Variants in LRRTM4 observed in about 807,000 individuals in gnomAD.
LRRTM4 encodes leucine rich repeat transmembrane neuronal 4.
A neutral mutation model predicts 47.6 loss-of-function variants in LRRTM4; 25 were observed. The ratio of observed to expected loss-of-function variants is 0.53; its 90% CI spans 0.38 to 0.73. The LOEUF is 0.73. Among genes scored for constraint, LRRTM4 ranks in the 30% least tolerant of loss-of-function variants. LRRTM4 has a pLI of 0.00. For missense variants in LRRTM4, 638 were observed against 713.4 expected (o/e 0.89, Z 1.20); for synonymous variants, 311 against 269.5 (o/e 1.15, Z -1.51).
intron 3 of LRRTM4, among the ~76,000 whole-genome samples, chr2:77,502,177 G>A (rs1302584153): frequency 1.3e-5 from 2 of 151,360 alleles, no homozygotes; most frequent in Non-Finnish European, 3.0e-5. Context: ...ATGTTCACAA[G>A]AGAGTAAGCA....
chr2:76,889,803 A>G (rs62170284), intron 3 of LRRTM4, among the ~76,000 whole-genome samples: 57,792 of 151,556 alleles, frequency 0.38, 11,657 homozygotes, highest in East Asian at 0.72. Flanking sequence ...AAAGAGGCAA[A>G]TAATAGAGTA....
chr2:77,487,197 G>A (rs1677951446), intron 3 of LRRTM4, among the ~76,000 whole-genome samples: 1 of 152,172 alleles, frequency 6.6e-6, no homozygotes, highest in African/African-American at 2.4e-5. Flanking sequence ...CTGAGTTGGT[G>A]GGGCAGAAGC....
intron 3 of LRRTM4, among the ~76,000 whole-genome samples, chr2:77,084,066 A>T (rs1680628795): frequency 6.6e-6 from 1 of 151,874 alleles, no homozygotes; most frequent in South Asian, 2.1e-4. Context: ...CGGCCTCCCA[A>T]AGTGCTGGGA....
intron 3 of LRRTM4, among the ~76,000 whole-genome samples, chr2:77,016,247 G>A (rs1211998940): frequency 1.2e-4 from 18 of 151,660 alleles, no homozygotes; most frequent in African/African-American, 2.7e-4. Flanking sequence ...TTAGCTGGGC[G>A]TGGTGGCAGG....
intron 3 of LRRTM4, among the ~76,000 whole-genome samples, chr2:77,101,839 G>A (rs1300723150): frequency 6.6e-6 from 1 of 152,144 alleles, no homozygotes; most frequent in Non-Finnish European, 1.5e-5. Context: ...TTTTCAGTTT[G>A]TTTAATCATG....
At chr2:76,988,364 C>G (rs1283485423) in intron 3 of LRRTM4, among the ~76,000 whole-genome samples, 1 of 151,784 alleles carries the variant, frequency 6.6e-6, no homozygotes, top group African/African-American at 2.4e-5. Context: ...TCCACTAAAA[C>G]CTAAATCGGG....
At chr2:77,415,339 C>T (rs1009619822) in intron 3 of LRRTM4, among the ~76,000 whole-genome samples, 2 of 152,068 alleles carry the variant, frequency 1.3e-5, no homozygotes, top group South Asian at 2.1e-4. Flanking sequence ...AGGCTCTACC[C>T]TATAATATAT....
intron 3 of LRRTM4, among the ~76,000 whole-genome samples, chr2:77,352,766 T>C (rs974636892): frequency 6.6e-6 from 1 of 152,110 alleles, no homozygotes; most frequent in Non-Finnish European, 1.5e-5. Flanking sequence ...TTTGTTGTTT[T>C]TCCTTAGTAC....
intron 3 of LRRTM4, among the ~76,000 whole-genome samples, chr2:77,510,233 G>A (rs1019660213): frequency 5.9e-5 from 9 of 152,054 alleles, no homozygotes; most frequent in African/African-American, 1.7e-4. Flanking sequence ...TATTTAATAT[G>A]AGTCAGTTAA....
intron 3 of LRRTM4, among the ~76,000 whole-genome samples, chr2:76,964,396 A>G (rs1675956744): frequency 6.6e-6 from 1 of 151,172 alleles, no homozygotes; most frequent in African/African-American, 2.4e-5. Context: ...CAGGTCTACC[A>G]TACAGAGTAT....
chr2:77,505,283 A>G (rs1015974623), intron 3 of LRRTM4, among the ~76,000 whole-genome samples: 3 of 151,394 alleles, frequency 2.0e-5, no homozygotes, highest in Non-Finnish European at 4.4e-5. Flanking sequence ...CAAAAAAAGA[A>G]AAAAAGCTAA....
chr2:76,788,770 A>AGGAAGTAGTAACACTATTT (rs1674817101), intron 3 of LRRTM4, among the ~76,000 whole-genome samples: 1 of 151,996 alleles, frequency 6.6e-6, no homozygotes, highest in South Asian at 2.1e-4. Flanking sequence ...TTTAGGGGGG[A>AGGAAGTAGTAACACTATTT]GGAAGTAGTA....
intron 3 of LRRTM4, among the ~76,000 whole-genome samples, chr2:76,994,231 A>G (rs1573419091): frequency 6.6e-6 from 1 of 151,986 alleles, no homozygotes; most frequent in Admixed American, 6.6e-5. Flanking sequence ...TACACACGTA[A>G]CAAACCTGCA....
intron 3 of LRRTM4, among the ~76,000 whole-genome samples, chr2:77,215,714 A>G (rs1035846168): frequency 6.6e-6 from 1 of 152,174 alleles, no homozygotes; most frequent in Non-Finnish European, 1.5e-5. Context: ...AACTGGCTAA[A>G]CACCCAGAGT....
intron 3 of LRRTM4, among the ~76,000 whole-genome samples, chr2:76,819,953 CTAA>C (rs1328382978): frequency 6.6e-6 from 1 of 151,984 alleles, no homozygotes; most frequent in Non-Finnish European, 1.5e-5. Flanking sequence ...CTGCCATGTT[CTAA>C]TAATGCCCAT....
chr2:76,843,556 C>T (rs1671749538), intron 3 of LRRTM4, among the ~76,000 whole-genome samples: 1 of 152,118 alleles, frequency 6.6e-6, no homozygotes, highest in Non-Finnish European at 1.5e-5. Flanking sequence ...CTGAATATTT[C>T]ATAATAACAA....
At chr2:77,222,458 A>G (rs1674664691) in intron 3 of LRRTM4, among the ~76,000 whole-genome samples, 1 of 152,226 alleles carries the variant, frequency 6.6e-6, no homozygotes, top group East Asian at 1.9e-4. Context: ...ATAGACTGCT[A>G]GCAAGGTTAA....
chr2:77,381,300 G>T (rs1299967851), intron 3 of LRRTM4, among the ~76,000 whole-genome samples: 4 of 151,964 alleles, frequency 2.6e-5, no homozygotes, highest in Non-Finnish European at 5.9e-5. Context: ...TTCCACAAAT[G>T]TTACATATAC....
chr2:77,312,824 T>C (rs1677495162), intron 3 of LRRTM4, among the ~76,000 whole-genome samples: 1 of 152,186 alleles, frequency 6.6e-6, no homozygotes, highest in Admixed American at 6.5e-5. Context: ...ATAACCATTC[T>C]AGAATATGTT....
Sources: gnomAD v4.1 joint callset for allele counts (sites outside exome capture counted in the v4.1 genomes callset) on GRCh38, gnomAD v4.1.1 for gene constraint, MANE v1.5 for transcripts, NCBI Gene and HGNC (gene_info 2026-07-23, HGNC 2026-07-21) for gene names.